The following CNTN6 variants were observed in gnomAD, a reference collection of about 807,000 sequenced individuals.
CNTN6 encodes the protein contactin 6.
In CNTN6, 137 loss-of-function variants were observed where a neutral mutation model predicts 122.8. The observed-to-expected ratio is 1.12, with a 90% CI of 0.97 to 1.29. The LOEUF (loss-of-function observed/expected upper bound fraction) is 1.29, where lower values mean the gene tolerates loss of function less well. Among genes scored for constraint, CNTN6 ranks in the 50% most tolerant of loss-of-function variants. The probability of loss-of-function intolerance (pLI) is 0.00; values close to 1 mark genes in which losing one functional copy is unlikely to be tolerated. For missense variants in CNTN6, 1,634 were observed against 1,223.4 expected (o/e 1.34, Z -5.01); for synonymous variants, 570 against 426.0 (o/e 1.34, Z -4.16).
intron 7 of CNTN6, among the ~76,000 whole-genome samples, chr3:1,315,488 T>A (rs997888915): frequency 6.6e-6 from 1 of 151,988 alleles, no homozygotes; most frequent in African/African-American, 2.4e-5. Context: ...AAGGTGAGTA[T>A]CATTCCAAAA....
At chr3:1,221,153 G>C (rs1181070659) in intron 3 of CNTN6, among the ~76,000 whole-genome samples, 3 of 151,926 alleles carry the variant, frequency 2.0e-5, no homozygotes, top group Non-Finnish European at 4.4e-5. Context: ...AGAAATGAGA[G>C]AGAGAGAGAA....
At chr3:1,297,671 C>G (rs1475281768) in intron 6 of CNTN6, among the ~76,000 whole-genome samples, 1 of 147,684 alleles carries the variant, frequency 6.8e-6, no homozygotes, top group Non-Finnish European at 1.5e-5. Context: ...AGATCTGGCT[C>G]TCTGAGTTCC....
intron 1 of CNTN6, among the ~76,000 whole-genome samples, chr3:1,123,614 T>A (rs1250200021): frequency 6.6e-6 from 1 of 152,050 alleles, no homozygotes; most frequent in African/African-American, 2.4e-5. Flanking sequence ...TGTAAGATTA[T>A]GCAATCTGCA....
rs182057561 is a variant in CNTN6 at position 1,388,037 on chromosome 3, G to C, written c.2704+2240G>C. ...ATTAGGTAAACAAAGCAGCCAGGAA[G>C]CTCCAACTGGGTGGAGCCCACCACA... On this transcript the variant is annotated intron_variant, in intron 20 of 22. Transcript: ENST00000446702. Among the ~76,000 whole-genome samples the C allele has an allele frequency of 5.7e-4, 86 of 151,694 alleles. 1 individual carries two copies. Among genetic ancestry groups the C allele is most frequent in the Non-Finnish European group, 1.0e-3 (68 of 67,988 alleles).
At chr3:1,216,747 C>A (rs75237429) in intron 2 of CNTN6, among the ~76,000 whole-genome samples, 1 of 152,140 alleles carries the variant, frequency 6.6e-6, no homozygotes, top group Non-Finnish European at 1.5e-5. Flanking sequence ...GCCTAAATTA[C>A]AATTTTAAGA....
In CNTN6 at chr3:1,342,088, A is replaced by C. The variant is rs577913852; in HGVS notation, c.1365-10236A>C. Among the ~76,000 whole-genome samples the C allele has an allele frequency of 8.3e-5, 12 of 144,162 alleles. No homozygotes were observed. The South Asian group carries it at 2.3e-3, about 27-fold the overall frequency. The allele number at this position is 144,162 out of a possible 152,430, so 94.6% of individuals were successfully genotyped here. On this transcript the variant is annotated intron_variant, in intron 11 of 22. Coordinates refer to ENST00000446702, the MANE Select transcript of CNTN6 (RefSeq NM_001289080.2). ...TTCTCGATTTTGTTGAAGAGTTGCC[A>C]AAAAAAAGTAACATAAAAGTACTCA...
At chr3:1,198,623 G>A (rs1388840643) in intron 2 of CNTN6, among the ~76,000 whole-genome samples, 2 of 152,038 alleles carry the variant, frequency 1.3e-5, no homozygotes, top group Admixed American at 6.5e-5. Flanking sequence ...TCAGGAGGCT[G>A]AGGCAGGAGA....
chr3:1,250,753 G>A (rs891940744), intron 4 of CNTN6, among the ~76,000 whole-genome samples: 5 of 152,102 alleles, frequency 3.3e-5, no homozygotes, highest in African/African-American at 1.2e-4. Flanking sequence ...CACACTTAAA[G>A]TTTTCCCTGA....
chr3:1,380,078 A>G lies in CNTN6; in HGVS notation c.2167-2864A>G, dbSNP rs72995977. ...ACACCATCAGAACTGAGTATATCTGAACTACGTTTTGAAAAGTGACTTGGA... is the reference window on the plus strand; with the variant it reads ...ACACCATCAGAACTGAGTATATCTGGACTACGTTTTGAAAAGTGACTTGGA... On this transcript the variant is annotated intron_variant, in intron 17 of 22. Transcript: ENST00000446702. Among the ~76,000 whole-genome samples, 109 of 152,298 alleles carry G rather than the reference A, an allele frequency of 7.2e-4. 1 individual carries two copies. The highest frequency in any genetic ancestry group is 1.3e-3 in the Non-Finnish European group (86 of 68,022).
intron 5 of CNTN6, among the ~76,000 whole-genome samples, chr3:1,281,425 A>G (rs965018280): frequency 2.6e-5 from 4 of 151,922 alleles, no homozygotes; most frequent in African/African-American, 9.7e-5. Context: ...AAAGAAAAGT[A>G]GCACAGACTC....
At chr3:1,183,095 A>G (rs1310430103) in intron 2 of CNTN6, among the ~76,000 whole-genome samples, 1 of 152,154 alleles carries the variant, frequency 6.6e-6, no homozygotes, top group Admixed American at 6.6e-5. Flanking sequence ...TAAAATGCCA[A>G]GATGAACTGT....
At chr3:1,291,065 T>C (rs1695238343) in intron 5 of CNTN6, among the ~76,000 whole-genome samples, 1 of 152,132 alleles carries the variant, frequency 6.6e-6, no homozygotes, top group African/African-American at 2.4e-5. Context: ...CTGACAGTAT[T>C]ATTAGGGAAA....
intron 2 of CNTN6, among the ~76,000 whole-genome samples, chr3:1,195,096 G>A (rs1053683633): frequency 2.6e-5 from 4 of 151,952 alleles, no homozygotes; most frequent in Non-Finnish European, 4.4e-5. Flanking sequence ...TAATTATTCC[G>A]GGGCCAGGTT....
At chr3:1,377,114 G>C (rs752013025) in intron 17 of CNTN6, 39 bp downstream of exon 17, 2 of 1,371,886 alleles carry the variant, frequency 1.5e-6, no homozygotes, top group East Asian at 4.7e-5. Flanking sequence ...GAAGAAAAGA[G>C]ATTTAACTGG....
intron 1 of CNTN6, among the ~76,000 whole-genome samples, chr3:1,107,234 C>G (rs1324042299): frequency 6.6e-6 from 1 of 151,994 alleles, no homozygotes; most frequent in Non-Finnish European, 1.5e-5. Flanking sequence ...GTTGACCTTG[C>G]TGATAAATAG....
intron 11 of CNTN6, among the ~76,000 whole-genome samples, chr3:1,349,893 C>T (rs1294548548): frequency 6.6e-6 from 1 of 151,320 alleles, no homozygotes; most frequent in Non-Finnish European, 1.5e-5. Flanking sequence ...GTTTGTTATG[C>T]CATAAAATCT....
At chr3:1,235,120 C>A (rs954779555) in intron 4 of CNTN6, among the ~76,000 whole-genome samples, 1 of 152,156 alleles carries the variant, frequency 6.6e-6, no homozygotes, top group African/African-American at 2.4e-5. Context: ...CCTTCTCCCA[C>A]TGCCTACTTC....
chr3:1,296,976 A>G (rs9872500), intron 6 of CNTN6, among the ~76,000 whole-genome samples: 2,591 of 152,146 alleles, frequency 0.017, 85 homozygotes, highest in African/African-American at 0.059. Context: ...ATTATATATA[A>G]TATAAAAATC....
chr3:1,160,359 T>TATATATATATATATATAA (rs2093099671), intron 2 of CNTN6, among the ~76,000 whole-genome samples: 1 of 143,106 alleles, frequency 7.0e-6, no homozygotes, highest in Non-Finnish European at 1.5e-5. Flanking sequence ...TATATATATA[T>TATATATATATATATATAA]ATATATATAC....
Sources: gnomAD v4.1 joint callset for allele counts (sites outside exome capture counted in the v4.1 genomes callset) on GRCh38, gnomAD v4.1.1 for gene constraint, MANE v1.5 for transcripts, NCBI Gene and HGNC (gene_info 2026-07-23, HGNC 2026-07-21) for gene names.